AGBL1: variants seen among roughly 807,000 people sequenced by gnomAD.
AGBL1 encodes the protein cytosolic carboxypeptidase 4.
In AGBL1, 130 loss-of-function variants were observed where a neutral mutation model predicts 118.9. The observed-to-expected ratio is 1.09, with a 90% CI of 0.95 to 1.26. The LOEUF (loss-of-function observed/expected upper bound fraction) is 1.26, where lower values mean the gene tolerates loss of function less well. Ranked by LOEUF, AGBL1 falls within the 50% of genes most tolerant of loss-of-function variation. The pLI is 0.00. For missense variants in AGBL1, 1,584 were observed against 1,298.1 expected (o/e 1.22, Z -3.38); for synonymous variants, 555 against 478.9 (o/e 1.16, Z -2.08).
intron 22 of AGBL1, among the ~76,000 whole-genome samples, chr15:86,895,428 C>T (rs1323130912): frequency 5.4e-5 from 8 of 149,358 alleles, no homozygotes; most frequent in African/African-American, 1.2e-4. Context: ...TTTGCATTTG[C>T]GTGTATTTCT....
intron 17 of AGBL1, among the ~76,000 whole-genome samples, chr15:86,337,435 G>A (rs745500262): frequency 6.6e-6 from 1 of 152,142 alleles, no homozygotes; most frequent in African/African-American, 2.4e-5. Context: ...ATTCACAATA[G>A]CAAAGGCATG....
At chr15:86,502,420 T>A (rs1281420040) in intron 18 of AGBL1, among the ~76,000 whole-genome samples, 1 of 151,486 alleles carries the variant, frequency 6.6e-6, no homozygotes, top group Non-Finnish European at 1.5e-5. Context: ...TGGATGCTTT[T>A]AATTTCATTT....
chr15:86,827,791 T>A (rs2141407660), intron 22 of AGBL1, among the ~76,000 whole-genome samples: 1 of 149,580 alleles, frequency 6.7e-6, no homozygotes, highest in South Asian at 2.1e-4. Flanking sequence ...CTCCCATCAA[T>A]ATGTCTAGAT....
intron 24 of AGBL1, among the ~76,000 whole-genome samples, chr15:86,990,126 A>G (rs1248994026): frequency 6.6e-6 from 1 of 152,198 alleles, no homozygotes; most frequent in Non-Finnish European, 1.5e-5. Flanking sequence ...TGTGGAAGAT[A>G]GAAAGCGTAT....
chr15:86,080,464 C>A (rs896166086), intron 1 of AGBL1, among the ~76,000 whole-genome samples: 1 of 152,154 alleles, frequency 6.6e-6, no homozygotes, highest in Non-Finnish European at 1.5e-5. Context: ...TCTTACTGGG[C>A]TCCCACATTG....
chr15:86,897,184 T>G lies in AGBL1; in HGVS notation c.3159-9903T>G, dbSNP rs76834953. ...TTTTTCTACTTACATGCTTATATAC[T>G]TTTTTCCTTTATCTTTGAATTTGAA... On this transcript the variant is annotated intron_variant, in intron 22 of 22. Coordinates refer to ENST00000614907, the MANE Select transcript of AGBL1 (RefSeq NM_001386094.1). Among the ~76,000 whole-genome samples the G allele has an allele frequency of 9.2e-3, 1,395 of 152,308 alleles. 26 individuals carry two copies. Among genetic ancestry groups the G allele is most frequent in the African/African-American group, 0.032 (1,331 of 41,574 alleles).
chr15:86,488,253 G>A (rs530414646), intron 18 of AGBL1, among the ~76,000 whole-genome samples: 3 of 152,026 alleles, frequency 2.0e-5, no homozygotes, highest in East Asian at 3.9e-4. Context: ...GAAGTCACCC[G>A]AAGATATGTA....
chr15:86,530,085 C>G (rs1396778865), intron 19 of AGBL1, among the ~76,000 whole-genome samples: 5 of 133,518 alleles, frequency 3.7e-5, no homozygotes, highest in South Asian at 4.5e-4. Context: ...ATCATAATGA[C>G]AGGATCAAAT....
intron 21 of AGBL1, among the ~76,000 whole-genome samples, chr15:86,634,176 T>C (rs2085037468): frequency 6.6e-6 from 1 of 152,060 alleles, no homozygotes; most frequent in Non-Finnish European, 1.5e-5. Context: ...TTGTTGAAAA[T>C]AGAGTTACTA....
intron 17 of AGBL1, among the ~76,000 whole-genome samples, chr15:86,382,979 T>C (rs2081132581): frequency 6.6e-6 from 1 of 152,106 alleles, no homozygotes; most frequent in Admixed American, 6.5e-5. Flanking sequence ...CTATAGAAAT[T>C]TCCTGACACG....
chr15:86,183,034 T>A (rs1405232664), intron 5 of AGBL1, among the ~76,000 whole-genome samples: 1 of 152,208 alleles, frequency 6.6e-6, no homozygotes, highest in African/African-American at 2.4e-5. Context: ...TATGCAGGTT[T>A]ACTAAGGAGG....
intron 23 of AGBL1, among the ~76,000 whole-genome samples, chr15:86,975,456 G>C (rs116587846): frequency 6.6e-6 from 1 of 151,958 alleles, no homozygotes; most frequent in African/African-American, 2.4e-5. Context: ...CCCCTCCCAC[G>C]ACACCTGGGA....
In AGBL1 at chr15:86,545,933, G is replaced by C. The variant is rs553593460; in HGVS notation, c.2686-69G>C. 3 of 1,541,788 alleles carry C rather than the reference G, an allele frequency of 1.9e-6. No homozygotes were observed. The East Asian group carries it at 6.8e-5, about 35-fold the overall frequency. On this transcript the variant is annotated intron_variant, in intron 19 of 22. Transcript: ENST00000614907. Reference sequence around the variant, plus strand: ...TGAGCCATGGAACATGAGTAGATACGATTTAAGTGGATTTAAGAAACCAAT... The same window carrying C: ...TGAGCCATGGAACATGAGTAGATACCATTTAAGTGGATTTAAGAAACCAAT...
chr15:86,838,887 T>TGAGCTA (rs1382884479), intron 22 of AGBL1, among the ~76,000 whole-genome samples: 1 of 126,902 alleles, frequency 7.9e-6, no homozygotes, highest in Non-Finnish European at 1.5e-5. Flanking sequence ...AAGTGTTCAA[T>TGAGCTA]GAGCTAGAGC....
intron 22 of AGBL1, among the ~76,000 whole-genome samples, chr15:86,833,396 T>C (rs1031800547): frequency 3.9e-5 from 6 of 152,112 alleles, no homozygotes; most frequent in Admixed American, 3.9e-4. Flanking sequence ...GGGCTGGTTT[T>C]TCCCATGCTA....
At chr15:86,627,087 G>A (rs897172120) in intron 21 of AGBL1, among the ~76,000 whole-genome samples, 4 of 151,774 alleles carry the variant, frequency 2.6e-5, no homozygotes, top group Admixed American at 6.6e-5. Flanking sequence ...CGCAACCTCC[G>A]CCTCCTGGGT....
At chr15:86,834,690 G>A (rs2079148559) in intron 22 of AGBL1, among the ~76,000 whole-genome samples, 1 of 152,042 alleles carries the variant, frequency 6.6e-6, no homozygotes, top group Non-Finnish European at 1.5e-5. Flanking sequence ...TACCACTAGG[G>A]AGCCAACTCG....
At chr15:86,653,742 T>C (rs2085416420) in intron 21 of AGBL1, among the ~76,000 whole-genome samples, 1 of 152,138 alleles carries the variant, frequency 6.6e-6, no homozygotes. Context: ...ATTTCAAATA[T>C]GCCTTTCATC....
intron 18 of AGBL1, among the ~76,000 whole-genome samples, chr15:86,520,447 T>G (rs1379290247): frequency 6.6e-6 from 1 of 152,170 alleles, no homozygotes; most frequent in African/African-American, 2.4e-5. Flanking sequence ...TTATTCAAAT[T>G]TGGGCTTCTG....
Sources: allele counts gnomAD v4.1 joint callset (sites outside exome capture counted in the v4.1 genomes callset), GRCh38; gene constraint gnomAD v4.1.1; transcripts MANE v1.5; gene names NCBI Gene and HGNC (gene_info 2026-07-23, HGNC 2026-07-21).